The following GALNT13 variants were observed in gnomAD, a reference collection of about 807,000 sequenced individuals.
GALNT13 encodes the protein UDP-GalNAc:polypeptide N-acetylgalactosaminyltransferase 13.
Under a neutral mutation model 64.2 loss-of-function variants are expected in GALNT13, and 28 were observed. The ratio of observed to expected loss-of-function variants is 0.44; its 90% CI spans 0.32 to 0.60. The LOEUF (loss-of-function observed/expected upper bound fraction) is 0.60, where lower values mean the gene tolerates loss of function less well. Ranked by LOEUF, GALNT13 falls within the 20% of genes least tolerant of loss-of-function variation. The probability of loss-of-function intolerance (pLI) is 0.05; values close to 1 mark genes in which losing one functional copy is unlikely to be tolerated. For missense variants in GALNT13, 577 were observed against 669.8 expected (o/e 0.86, Z 1.53); for synonymous variants, 214 against 224.6 (o/e 0.95, Z 0.42).
At chr2:154,149,943 G>C (rs1369854108) in intron 4 of GALNT13, among the ~76,000 whole-genome samples, 1 of 152,098 alleles carries the variant, frequency 6.6e-6, no homozygotes, top group Non-Finnish European at 1.5e-5. Flanking sequence ...TGATTTCCCT[G>C]GCCAGAACGT....
intron 4 of GALNT13, among the ~76,000 whole-genome samples, chr2:154,155,977 C>T (rs6713676): frequency 0.048 from 7,267 of 151,652 alleles, 322 homozygotes; most frequent in African/African-American, 0.12. Context: ...CATATATATT[C>T]GACGTATATT....
chr2:153,850,789 T>A, the GALNT13 span, among the ~76,000 whole-genome samples: 1 of 152,038 alleles, frequency 6.6e-6, no homozygotes, highest in African/African-American at 2.4e-5. Flanking sequence ...CTGCAGACAA[T>A]GTAGAAGAAA....
chr2:153,489,512 G>C, the GALNT13 span, among the ~76,000 whole-genome samples: 1 of 152,154 alleles, frequency 6.6e-6, no homozygotes, highest in Non-Finnish European at 1.5e-5. Flanking sequence ...AAAGAAGACA[G>C]TTGGTGGGGC....
chr2:154,429,013 T>C (rs1700594099), intron 11 of GALNT13, among the ~76,000 whole-genome samples: 1 of 152,022 alleles, frequency 6.6e-6, no homozygotes, highest in South Asian at 2.1e-4. Context: ...GTATTCTGAC[T>C]GCTCCACAGA....
At chr2:153,442,222 T>A in the GALNT13 span, among the ~76,000 whole-genome samples, 19 of 152,198 alleles carry the variant, frequency 1.2e-4, no homozygotes, top group Non-Finnish European at 2.1e-4. Context: ...TTTTTGTCAT[T>A]GGTTCTGTTT....
chr2:154,158,524 G>A (rs1313695245), intron 4 of GALNT13, among the ~76,000 whole-genome samples: 1 of 151,816 alleles, frequency 6.6e-6, no homozygotes, highest in African/African-American at 2.4e-5. Flanking sequence ...ATTTTCTTTA[G>A]CACCCTTCCA....
chr2:153,562,050 C>G, the GALNT13 span, among the ~76,000 whole-genome samples: 1 of 99,540 alleles, frequency 1.0e-5, no homozygotes, highest in African/African-American at 4.1e-5. Context: ...CTTTCTCTCT[C>G]TCTCTCTCTC....
intron 9 of GALNT13, among the ~76,000 whole-genome samples, chr2:154,386,747 C>T (rs1444750086): frequency 6.6e-6 from 1 of 151,982 alleles, no homozygotes; most frequent in Non-Finnish European, 1.5e-5. Flanking sequence ...TCAAATTGTT[C>T]TTTTATTTTA....
intron 3 of GALNT13, among the ~76,000 whole-genome samples, chr2:154,119,332 T>A (rs907838556): frequency 6.6e-6 from 1 of 152,134 alleles, no homozygotes; most frequent in Non-Finnish European, 1.5e-5. Context: ...GTGTGAAATG[T>A]TTGTCTTGTT....
chr2:153,984,707 G>A (rs1694680544), intron 3 of GALNT13, among the ~76,000 whole-genome samples: 1 of 151,724 alleles, frequency 6.6e-6, no homozygotes, highest in South Asian at 2.1e-4. Context: ...CTCACCCCAA[G>A]TCCAGGAATT....
the GALNT13 span, among the ~76,000 whole-genome samples, chr2:153,497,522 ATTTTTTTTTTTTTTTTTTTT>A: frequency 7.9e-3 from 290 of 36,934 alleles, 4 homozygotes; most frequent in Non-Finnish European, 0.01. Context: ...TTTCTCCCGC[ATTTTTTTTTTTTTTTTTTTT>A]TTTTTTTTTT....
chr2:153,383,187 C>T, the GALNT13 span, among the ~76,000 whole-genome samples: 1 of 152,042 alleles, frequency 6.6e-6, no homozygotes, highest in African/African-American at 2.4e-5. Context: ...AATAATCAGG[C>T]AGGTTTCTGG....
intron 2 of GALNT13, among the ~76,000 whole-genome samples, chr2:153,909,590 G>T (rs1688806576): frequency 6.6e-6 from 1 of 152,064 alleles, no homozygotes; most frequent in South Asian, 2.1e-4. Context: ...TTACTATTTT[G>T]AGGTATGTTC....
intron 4 of GALNT13, among the ~76,000 whole-genome samples, chr2:154,209,127 T>C (rs544709560): frequency 6.6e-6 from 1 of 151,316 alleles, no homozygotes; most frequent in African/African-American, 2.4e-5. Flanking sequence ...AAAAAAAAGG[T>C]GTTTGTTAAA....
At chr2:153,916,679 A>T (rs1040744383) in intron 2 of GALNT13, among the ~76,000 whole-genome samples, 1 of 152,216 alleles carries the variant, frequency 6.6e-6, no homozygotes, top group Admixed American at 6.5e-5. Context: ...GGTTCATTGC[A>T]TAGGAAATAG....
the GALNT13 span, among the ~76,000 whole-genome samples, chr2:153,637,799 T>C: frequency 6.6e-6 from 1 of 152,320 alleles, no homozygotes; most frequent in Middle Eastern, 3.4e-3. Flanking sequence ...CCAACTGACA[T>C]GATACAGACT....
chr2:153,586,990 G>T, the GALNT13 span, among the ~76,000 whole-genome samples: 3 of 152,058 alleles, frequency 2.0e-5, no homozygotes, highest in African/African-American at 7.2e-5. Context: ...TTAACAATTT[G>T]GGAGTCTGAG....
chr2:154,352,754 C>A (rs1051969936), intron 9 of GALNT13, among the ~76,000 whole-genome samples: 5 of 152,182 alleles, frequency 3.3e-5, no homozygotes, highest in African/African-American at 1.2e-4. Flanking sequence ...TTAGTACTTT[C>A]AATGTGCCTC....
intron 12 of GALNT13, among the ~76,000 whole-genome samples, chr2:154,440,135 T>G (rs755186057): frequency 7.9e-5 from 12 of 152,158 alleles, no homozygotes; most frequent in Non-Finnish European, 1.6e-4. Flanking sequence ...TAAAACTTGT[T>G]CTTCTTGTTG....
Sources: gnomAD v4.1 joint callset for allele counts (sites outside exome capture counted in the v4.1 genomes callset) on GRCh38, gnomAD v4.1.1 for gene constraint, MANE v1.5 for transcripts, NCBI Gene and HGNC (gene_info 2026-07-23, HGNC 2026-07-21) for gene names.